Variants in OR9Q1 observed in about 807,000 individuals in gnomAD.
The protein encoded by OR9Q1 is olfactory receptor 9Q1.
For missense variants in OR9Q1, 374 were observed against 378.8 expected (o/e 0.99, Z 0.11); for synonymous variants, 153 against 148.6 (o/e 1.03, Z -0.22).
chr11:58,062,951 T>C (rs993113358), intron 2 of OR9Q1, among the ~76,000 whole-genome samples: 3 of 152,156 alleles, frequency 2.0e-5, no homozygotes, highest in Non-Finnish European at 2.9e-5. Context: ...CCTGGAGTTA[T>C]GGTTATATGA....
intron 2 of OR9Q1, chr11:58,119,304 C>T: frequency 6.2e-7 from 1 of 1,613,866 alleles, no homozygotes; most frequent in Non-Finnish European, 8.5e-7. Context: ...CTTGGATTAA[C>T]ATAATCATCC....
At chr11:58,082,409 T>A (rs1853596365) in intron 2 of OR9Q1, among the ~76,000 whole-genome samples, 1 of 151,908 alleles carries the variant, frequency 6.6e-6, no homozygotes, top group African/African-American at 2.4e-5. Flanking sequence ...TGGAATACTA[T>A]GCAGCCATAA....
intron 2 of OR9Q1, among the ~76,000 whole-genome samples, chr11:58,106,425 A>AT (rs1853841213): frequency 6.6e-6 from 1 of 151,772 alleles, no homozygotes; most frequent in Non-Finnish European, 1.5e-5. Context: ...GCTTGCAAAT[A>AT]TTTTTTCCCA....
intron 2 of OR9Q1, among the ~76,000 whole-genome samples, chr11:58,146,846 T>C (rs931783635): frequency 6.6e-6 from 1 of 152,168 alleles, no homozygotes; most frequent in Non-Finnish European, 1.5e-5. Context: ...GGCTGTAGCA[T>C]GAGGGAGCAG....
At position 58,173,386 on chromosome 11, in the gene OR9Q1, G is replaced by A. The variant is rs1434510020; in HGVS notation, c.-14-6045G>A. Among the ~76,000 whole-genome samples the A allele has an allele frequency of 2.0e-5, 3 of 148,048 alleles. No homozygotes were observed. The Admixed American group carries it at 2.1e-4, about 10-fold the overall frequency. ...CCACCTATGAGTGAGAACATGCAGT[G>A]TTTGGTTTTTTGTCCTTGTGATAGT... On this transcript the variant is annotated intron_variant, in intron 2 of 2. Coordinates refer to ENST00000335397, the MANE Select transcript of OR9Q1 (RefSeq NM_001005212.4).
At chr11:58,109,243 G>T (rs748275368) in intron 2 of OR9Q1, 4 of 464,064 alleles carry the variant, frequency 8.6e-6, no homozygotes, top group African/African-American at 6.0e-5. Flanking sequence ...GACCCTGCAG[G>T]TACCTGGAGT....
At chr11:58,037,875 C>T (rs545931415) in intron 1 of OR9Q1, among the ~76,000 whole-genome samples, 8 of 141,756 alleles carry the variant, frequency 5.6e-5, no homozygotes, top group African/African-American at 1.6e-4. Flanking sequence ...GCTGCCACCA[C>T]GCCTGGCTAA....
intron 2 of OR9Q1, among the ~76,000 whole-genome samples, chr11:58,091,132 T>C (rs1191882326): frequency 1.3e-5 from 2 of 152,208 alleles, no homozygotes; most frequent in Non-Finnish European, 2.9e-5. Context: ...GTTTTTTGTT[T>C]CTCTGTGTCC....
chr11:58,134,153 TG>T (rs1854169549), intron 2 of OR9Q1, among the ~76,000 whole-genome samples: 1 of 152,218 alleles, frequency 6.6e-6, no homozygotes, highest in African/African-American at 2.4e-5. Flanking sequence ...GCTCATGCTT[TG>T]CAAGGCTTGT....
Position 58,180,330 on chromosome 11 carries a change from G to C in OR9Q1, c.886G>C (p.Val296Leu), listed in dbSNP as rs868091209. The change falls in exon 3 of 3, where the codon GTG (valine) becomes CTG (leucine). Residue 296 changes from valine (V) to leucine (L), a missense_variant. Val to Leu is a conservative substitution (Grantham distance 32, BLOSUM62 1). Transcript: ENST00000335397. ...PLIYSLRNKE[V>L]KEALRKILNR... The stretch of plus-strand genomic sequence containing the variant: ...CATCTACAGCCTGAGGAACAAGGAA[G>C]TGAAGGAGGCCCTGAGAAAAATTCT... 6.2e-7 allele frequency: 1 copy of C among 1,605,164 alleles called. No individual in the cohort carries two copies. The highest frequency in any genetic ancestry group is 8.5e-7 in the Non-Finnish European group (1 of 1,174,412).
In OR9Q1 at chr11:58,179,615, TC is replaced by T. The variant is rs772967187; in HGVS notation, c.173del (p.Pro58GlnfsTer6). ...TCCTCATGGATCACCAGCTCCACGC[TC>T]CAATGTATTTCCTTCTGAGTCACCT... ...LILMDHQLHA[P>X]MYFLLSHLAF... On this transcript the variant is annotated frameshift_variant, in exon 3 of 3. Coordinates refer to ENST00000335397, the MANE Select transcript of OR9Q1 (RefSeq NM_001005212.4). LOFTEE classifies it low-confidence loss of function (END_TRUNC). The T allele has an allele frequency of 1.9e-6, 3 of 1,613,346 alleles. No homozygotes were observed. In the African/African-American group the frequency reaches 4.0e-5, roughly 22 times the overall value.
At chr11:58,160,624 T>A (rs1246721066) in intron 2 of OR9Q1, among the ~76,000 whole-genome samples, 2 of 152,172 alleles carry the variant, frequency 1.3e-5, no homozygotes, top group Non-Finnish European at 2.9e-5. Flanking sequence ...CATGCCTGGC[T>A]AATTTCAAAA....
At position 58,024,083 on chromosome 11, in the gene OR9Q1, T is replaced by G. The variant is rs1287022926; in HGVS notation, c.-114T>G. 3 of 152,306 alleles carry G rather than the reference T, an allele frequency of 2.0e-5. No individual in the cohort carries two copies. Among genetic ancestry groups the G allele is most frequent in the Admixed American group, 1.3e-4 (2 of 15,288 alleles). 9.4% of individuals were successfully genotyped at this position (152,306 alleles called of 1,614,324 possible). On this transcript the variant is annotated 5_prime_UTR_variant, in exon 1 of 3. Coordinates refer to ENST00000335397, the MANE Select transcript of OR9Q1 (RefSeq NM_001005212.4). ...GAAAGATCAAACGCCTTTCCCAAAC[T>G]CACAGCTACGGCCTGACGGAGGTAG... is the stretch of plus-strand genomic sequence containing the variant.
intron 2 of OR9Q1, among the ~76,000 whole-genome samples, chr11:58,148,935 GA>G (rs1854324813): frequency 6.6e-6 from 1 of 152,182 alleles, no homozygotes; most frequent in South Asian, 2.1e-4. Flanking sequence ...TGTTGGGAAA[GA>G]AACTCTCAGC....
rs975042795 is a variant in OR9Q1 at position 58,069,559 on chromosome 11, C to T, written c.-15+13612C>T. ...ACTGCATTTGGGCTCTGCTATGTCC[C>T]CTGAAGAAAGGGCTATACAAACTTT... On this transcript the variant is annotated intron_variant, in intron 2 of 2. Transcript: ENST00000335397. 3.3e-5 allele frequency among the ~76,000 whole-genome samples: 5 copies of T among 152,166 alleles called. No individual in the cohort carries two copies. The East Asian group carries it at 9.7e-4, about 30-fold the overall frequency.
In OR9Q1 at chr11:58,180,360, A is replaced by T; in HGVS notation, c.916A>T (p.Arg306Ter). ...VKEALRKILN[R>*]AKLS ...GGAGGCCCTGAGAAAAATTCTCAATAGAGCCAAGTTGTCCTAACCATCTCC... is the reference window on the plus strand; with the variant it reads ...GGAGGCCCTGAGAAAAATTCTCAATTGAGCCAAGTTGTCCTAACCATCTCC... The change falls in exon 3 of 3, where the codon AGA becomes TGA. Residue 306 changes from arginine to a stop codon, truncating the protein, a stop_gained. Coordinates refer to ENST00000335397, the MANE Select transcript of OR9Q1 (RefSeq NM_001005212.4). LOFTEE classifies it high-confidence loss of function. 2 of 1,590,366 alleles carry T rather than the reference A, an allele frequency of 1.3e-6. No individual in the cohort carries two copies. The highest frequency in any genetic ancestry group is 3.4e-5 in the Admixed American group (2 of 58,366).
intron 2 of OR9Q1, among the ~76,000 whole-genome samples, chr11:58,166,973 C>T (rs1203083366): frequency 6.6e-6 from 1 of 152,134 alleles, no homozygotes; most frequent in Non-Finnish European, 1.5e-5. Context: ...GAACAACATA[C>T]ATTGTAGCAT....
chr11:58,132,155 T>A (rs1192437471), intron 2 of OR9Q1, among the ~76,000 whole-genome samples: 4 of 152,234 alleles, frequency 2.6e-5, no homozygotes. Context: ...TTTAAATAAC[T>A]CTGTTCTAGT....
chr11:58,048,677 A>ATATATAT (rs796426109), intron 1 of OR9Q1, among the ~76,000 whole-genome samples: 31 of 109,842 alleles, frequency 2.8e-4, no homozygotes, highest in South Asian at 1.7e-3. Flanking sequence ...CTTAAAAAAA[A>ATATATAT]AAATATATAT....
Sources: allele counts gnomAD v4.1 joint callset (sites outside exome capture counted in the v4.1 genomes callset), GRCh38; gene constraint gnomAD v4.1.1; transcripts MANE v1.5; gene names NCBI Gene and HGNC (gene_info 2026-07-23, HGNC 2026-07-21).